Variants in PALMD observed in about 807,000 individuals in gnomAD.
PALMD encodes the protein paralemmin-like protein.
Under a neutral mutation model 56.2 loss-of-function variants are expected in PALMD, and 42 were observed. The ratio of observed to expected loss-of-function variants is 0.75; its 90% CI spans 0.58 to 0.97. PALMD has a LOEUF of 0.97. Ranked by LOEUF, PALMD falls within the 50% of genes least tolerant of loss-of-function variation. The pLI is 0.00. For missense variants in PALMD, 660 were observed against 643.8 expected (o/e 1.03, Z -0.27); for synonymous variants, 242 against 222.9 (o/e 1.09, Z -0.76).
intron 3 of PALMD, among the ~76,000 whole-genome samples, chr1:99,674,000 A>T (rs1221754701): frequency 6.6e-6 from 1 of 152,210 alleles, no homozygotes; most frequent in Admixed American, 6.5e-5. Context: ...AAACTCTTTT[A>T]AAAATAAGAA....
At chr1:99,670,773 T>C (rs1653067034) in intron 3 of PALMD, among the ~76,000 whole-genome samples, 1 of 152,276 alleles carries the variant, frequency 6.6e-6, no homozygotes, top group East Asian at 1.9e-4. Context: ...AAAATATCTA[T>C]GCCTTGTCTG....
chr1:99,683,284 G>A (rs1653413848), intron 3 of PALMD: 1 of 152,104 alleles, frequency 6.6e-6, no homozygotes, highest in South Asian at 2.1e-4. Context: ...ATCCACTCCT[G>A]TGGTGATAAA....
At chr1:99,671,900 T>C (rs1167361608) in intron 3 of PALMD, among the ~76,000 whole-genome samples, 1 of 152,182 alleles carries the variant, frequency 6.6e-6, no homozygotes, top group Non-Finnish European at 1.5e-5. Flanking sequence ...ATTTAAAACC[T>C]AATTAAAAGT....
At chr1:99,652,567 G>T (rs535071103) in intron 1 of PALMD, among the ~76,000 whole-genome samples, 1 of 151,474 alleles carries the variant, frequency 6.6e-6, no homozygotes, top group South Asian at 2.1e-4. Flanking sequence ...TTGCGTCACT[G>T]CACTCCAGCC....
At chr1:99,687,633 G>T (rs933074803) in intron 6 of PALMD, among the ~76,000 whole-genome samples, 1 of 152,132 alleles carries the variant, frequency 6.6e-6, no homozygotes, top group Non-Finnish European at 1.5e-5. Context: ...AAAAATGAAG[G>T]TTTGCATTAG....
At chr1:99,689,905 T>C in intron 7 of PALMD, 33 bp downstream of exon 7, 4 of 1,552,058 alleles carry the variant, frequency 2.6e-6, no homozygotes, top group South Asian at 1.2e-5. Flanking sequence ...CCACTGCTGT[T>C]CAGTCATGTG....
At chr1:99,668,673 T>C (rs1030796684) in intron 3 of PALMD, 1 of 152,252 alleles carries the variant, frequency 6.6e-6, no homozygotes, top group Non-Finnish European at 1.5e-5. Flanking sequence ...GTTCACTTCA[T>C]TTCTCAACAT....
chr1:99,683,138 G>T (rs1557674057), intron 3 of PALMD: 1 of 124,148 alleles, frequency 8.1e-6, no homozygotes, highest in African/African-American at 4.0e-5. Context: ...AAGAAAGAAA[G>T]AAAGAAAGAA....
Position 99,686,768 on chromosome 1 carries a change from G to A in PALMD, c.344G>A (p.Arg115Gln), listed in dbSNP as rs751916127. 17 of 1,589,098 alleles carry A rather than the reference G, an allele frequency of 1.1e-5. No individual in the cohort carries two copies. The highest frequency in any genetic ancestry group is 3.3e-5 in the South Asian group (3 of 90,000). Reference protein sequence around the residue: ...AILKKLKSIERTTEDIIRSVK... With the variant: ...AILKKLKSIEQTTEDIIRSVK... ...TTAAAGAAACTAAAGTCAATTGAGC[G>A]GACAACAGAAGACATTATAAGAGTG... The change falls in exon 4 of 8, where the codon CGG becomes CAG. Residue 115 changes from arginine (R) to glutamine (Q), a missense_variant. Physicochemically the swap from Arg to Gln is conservative, Grantham distance 43. Transcript: ENST00000263174.
chr1:99,647,027 C>T (rs906524855), intron 1 of PALMD, among the ~76,000 whole-genome samples: 7 of 151,866 alleles, frequency 4.6e-5, no homozygotes, highest in Non-Finnish European at 7.4e-5. Context: ...TTGTTAATAC[C>T]GAGAAGGAAA....
intron 1 of PALMD, among the ~76,000 whole-genome samples, chr1:99,655,354 T>A (rs879444776): frequency 6.6e-6 from 1 of 152,130 alleles, no homozygotes; most frequent in Non-Finnish European, 1.5e-5. Context: ...TTAACCTTCA[T>A]CATCTGCAGA....
chr1:99,652,710 G>GAA (rs764087619), intron 1 of PALMD, among the ~76,000 whole-genome samples: 17 of 96,102 alleles, frequency 1.8e-4, no homozygotes, highest in Non-Finnish European at 3.3e-4. Flanking sequence ...GAAAAGAAAA[G>GAA]AAAAGAAAAG....
chr1:99,668,127 G>A lies in PALMD; in HGVS notation c.251+361G>A, dbSNP rs537205288. The stretch of plus-strand genomic sequence containing the variant: ...CTCCTGAGCTCAAAGTGATGCACCT[G>A]CCTCGGCCTCCCGATGTACAGGTGT... On this transcript the variant is annotated intron_variant, in intron 3 of 7. Transcript: ENST00000263174. The A allele has an allele frequency of 5.2e-4, 89 of 172,478 alleles. 1 individual carries two copies. In the South Asian group the frequency reaches 0.013, roughly 26 times the overall value. The allele number at this position is 172,478 out of a possible 1,614,324, so 10.7% of individuals were successfully genotyped here.
intron 7 of PALMD, 61 bp downstream of exon 7, chr1:99,689,933 T>G: frequency 6.7e-7 from 1 of 1,481,700 alleles, no homozygotes; most frequent in African/African-American, 1.4e-5. Flanking sequence ...TCTCTTGTGC[T>G]AATGCAGTCT....
At chr1:99,650,285 G>GAAAAAAAAAAAAAAAAA (rs200081370) in intron 1 of PALMD, among the ~76,000 whole-genome samples, 1 of 116,968 alleles carries the variant, frequency 8.5e-6, no homozygotes. Context: ...TGCTCATAAT[G>GAAAAAAAAAAAAAAAAA]AAAAAAAAAA....
intron 3 of PALMD, among the ~76,000 whole-genome samples, chr1:99,676,802 C>T (rs1653223270): frequency 6.6e-6 from 1 of 151,974 alleles, no homozygotes; most frequent in East Asian, 1.9e-4. Flanking sequence ...AAAAAAAAAG[C>T]TCACCTTCTA....
At chr1:99,677,824 A>C (rs996868171) in intron 3 of PALMD, among the ~76,000 whole-genome samples, 1 of 152,186 alleles carries the variant, frequency 6.6e-6, no homozygotes, top group South Asian at 2.1e-4. Context: ...ACAGGTTGTC[A>C]AAAAAGACTA....
In PALMD at chr1:99,689,423, G is replaced by A. The variant is rs531942829; in HGVS notation, c.1163G>A (p.Cys388Tyr). The change falls in exon 7 of 8, where the codon TGT becomes TAT. Residue 388 changes from cysteine to tyrosine, a missense_variant. Coordinates refer to ENST00000263174, the MANE Select transcript of PALMD (RefSeq NM_017734.5). ...GAACACCAGAATTCTTCACCCACTT[G>A]TCAGGAGGACGAGGAAGATGTCAGA... is the stretch of plus-strand genomic sequence containing the variant. ...KSEHQNSSPTCQEDEEDVRYN... is the reference protein window; with the variant it reads ...KSEHQNSSPTYQEDEEDVRYN... 3.1e-6 allele frequency: 5 copies of A among 1,613,802 alleles called. No individual in the cohort carries two copies. The South Asian group carries it at 4.4e-5, about 14-fold the overall frequency.
intron 1 of PALMD, 84 bp from the exon 2 acceptor site, chr1:99,662,235 C>A: frequency 2.8e-6 from 2 of 724,220 alleles, no homozygotes; most frequent in South Asian, 3.3e-5. Context: ...CAGTAACGGG[C>A]CATTCAGATA....
Sources: gnomAD v4.1 joint callset for allele counts (sites outside exome capture counted in the v4.1 genomes callset) on GRCh38, gnomAD v4.1.1 for gene constraint, MANE v1.5 for transcripts, NCBI Gene and HGNC (gene_info 2026-07-23, HGNC 2026-07-21) for gene names.